Variants in SRBD1 observed in about 807,000 individuals in gnomAD.
The protein encoded by SRBD1 is S1 RNA binding domain 1, also known as S1 RNA-binding domain-containing protein 1.
SRBD1 carries 88 observed loss-of-function variants against 115.3 expected under a neutral mutation model. The ratio of observed to expected loss-of-function variants is 0.76; its 90% confidence interval spans 0.64 to 0.91. SRBD1 has a LOEUF of 0.91. SRBD1 is among the 40% of genes least tolerant of loss of function. The pLI, the probability that SRBD1 is intolerant of heterozygous loss-of-function variation, is 0.00. For missense variants in SRBD1, 1,385 were observed against 1,177.4 expected, an observed-to-expected ratio of 1.18 and a Z score of -2.58; for synonymous variants, 509 against 407.7, an observed-to-expected ratio of 1.25 and a Z score of -2.99.
intron 16 of SRBD1, among the ~76,000 whole-genome samples, chr2:45,446,821 T>C (rs1213739738): frequency 6.6e-6 from 1 of 152,026 alleles, no homozygotes; most frequent in South Asian, 2.1e-4. Flanking sequence ...CACTGGGTGG[T>C]AGAAGGCAAA....
intron 9 of SRBD1, among the ~76,000 whole-genome samples, chr2:45,564,299 T>C (rs1359662314): frequency 6.6e-6 from 1 of 152,194 alleles, no homozygotes; most frequent in African/African-American, 2.4e-5. Context: ...AGTTCTTTAA[T>C]ATGAGAAAGG....
chr2:45,451,430 CT>C (rs1668989554), intron 16 of SRBD1, among the ~76,000 whole-genome samples: 1 of 152,008 alleles, frequency 6.6e-6, no homozygotes, highest in Admixed American at 6.6e-5. Context: ...GAAAAAGTCC[CT>C]TATTGGCAAT....
At chr2:45,504,888 C>T (rs1024233039) in intron 14 of SRBD1, among the ~76,000 whole-genome samples, 1 of 152,062 alleles carries the variant, frequency 6.6e-6, no homozygotes, top group South Asian at 2.1e-4. Context: ...GCAATTTCCT[C>T]GTGAAGTCTT....
intron 14 of SRBD1, among the ~76,000 whole-genome samples, chr2:45,517,936 G>GACTGCAATGAGCCACAACTGCACC (rs1671170516): frequency 6.6e-6 from 1 of 152,068 alleles, no homozygotes; most frequent in Non-Finnish European, 1.5e-5. Context: ...GGGAGGTTGA[G>GACTGCAATGAGCCACAACTGCACC]ACTGCAATGA....
intron 14 of SRBD1, among the ~76,000 whole-genome samples, chr2:45,494,333 G>C (rs1176810734): frequency 1.3e-5 from 2 of 151,514 alleles, no homozygotes; most frequent in Non-Finnish European, 2.9e-5. Flanking sequence ...AAAAATGTAA[G>C]AACAATTATT....
At chr2:45,489,551 G>GA (rs1670229354) in intron 14 of SRBD1, among the ~76,000 whole-genome samples, 2 of 151,862 alleles carry the variant, frequency 1.3e-5, no homozygotes, top group African/African-American at 4.8e-5. Context: ...AATTTAAATA[G>GA]AAAAAAATAA....
chr2:45,416,037 G>T (rs1265409523), intron 18 of SRBD1, among the ~76,000 whole-genome samples: 2 of 151,944 alleles, frequency 1.3e-5, no homozygotes, highest in East Asian at 3.9e-4. Flanking sequence ...GGGAAAACAA[G>T]GAGAGAAACA....
intron 7 of SRBD1, among the ~76,000 whole-genome samples, chr2:45,576,058 C>T (rs765798155): frequency 3.3e-5 from 5 of 152,132 alleles, no homozygotes; most frequent in Non-Finnish European, 7.3e-5. Context: ...GCCTGCCTCT[C>T]GTCACCCCTT....
chr2:45,534,538 TGGATATTAGTTTTAATA>T (rs1671709409), intron 14 of SRBD1, among the ~76,000 whole-genome samples: 1 of 151,956 alleles, frequency 6.6e-6, no homozygotes, highest in Admixed American at 6.6e-5. Context: ...CATGATAATC[TGGATATTAGTTTTAATA>T]TCCAGAAAAC....
At chr2:45,509,215 C>T (rs1021182627) in intron 14 of SRBD1, among the ~76,000 whole-genome samples, 2 of 152,162 alleles carry the variant, frequency 1.3e-5, no homozygotes, top group African/African-American at 4.8e-5. Context: ...GCATTTTCCT[C>T]ATCTAGAATA....
chr2:45,475,177 T>C (rs541782547), intron 16 of SRBD1, among the ~76,000 whole-genome samples: 2 of 152,290 alleles, frequency 1.3e-5, no homozygotes, highest in South Asian at 2.1e-4. Context: ...ATCATCCACA[T>C]ATCAGAACCC....
At chr2:45,505,010 T>C (rs533338518) in intron 14 of SRBD1, among the ~76,000 whole-genome samples, 1 of 152,190 alleles carries the variant, frequency 6.6e-6, no homozygotes, top group East Asian at 1.9e-4. Flanking sequence ...CAAATTAGTA[T>C]CACACCAAAT....
intron 16 of SRBD1, among the ~76,000 whole-genome samples, chr2:45,435,099 G>A (rs561761957): frequency 6.6e-6 from 1 of 152,210 alleles, no homozygotes; most frequent in African/African-American, 2.4e-5. Flanking sequence ...CAAAGGACAT[G>A]AACTCATCCT....
chr2:45,521,887 G>T (rs1671295905), intron 14 of SRBD1, among the ~76,000 whole-genome samples: 1 of 151,904 alleles, frequency 6.6e-6, no homozygotes, highest in Non-Finnish European at 1.5e-5. Flanking sequence ...AGGATCGCTT[G>T]AGCCTGGGAG....
At chr2:45,477,514 C>T (rs1669838783) in intron 15 of SRBD1, among the ~76,000 whole-genome samples, 1 of 152,152 alleles carries the variant, frequency 6.6e-6, no homozygotes. Context: ...CTCGATCCCC[C>T]AAATAATGAA....
rs538012072 is a variant in SRBD1 at position 45,504,044 on chromosome 2, AAAATATTTTC to A, written c.1875-15723_1875-15714del. On this transcript the variant is annotated intron_variant, in intron 14 of 20. Transcript: ENST00000263736. ...TGAAGAACTACCAAGTTTTTACTAT[AAAATATTTTC>A]AAATATTTATGTTCCAATTCATGGA... Among the ~76,000 whole-genome samples, 34 of 152,288 alleles carry A rather than the reference AAAATATTTTC, an allele frequency of 2.2e-4. 1 individual carries two copies. In the South Asian group the frequency reaches 6.8e-3, roughly 31 times the overall value.
chr2:45,411,378 G>A (rs1430258368), intron 19 of SRBD1, among the ~76,000 whole-genome samples: 1 of 152,112 alleles, frequency 6.6e-6, no homozygotes. Flanking sequence ...TTCACACAAT[G>A]GAATATTACT....
At chr2:45,420,571 G>GT (rs1212323534) in intron 16 of SRBD1, among the ~76,000 whole-genome samples, 1 of 152,000 alleles carries the variant, frequency 6.6e-6, no homozygotes, top group Admixed American at 6.6e-5. Context: ...TTTAGAAACC[G>GT]TAAGAACCAT....
chr2:45,441,728 G>A (rs1031458638), intron 16 of SRBD1, among the ~76,000 whole-genome samples: 1 of 152,216 alleles, frequency 6.6e-6, no homozygotes, highest in African/African-American at 2.4e-5. Context: ...AATAGGAGGA[G>A]ATACTGGTGA....
Sources: gnomAD v4.1 joint callset for allele counts (sites outside exome capture counted in the v4.1 genomes callset) on GRCh38, gnomAD v4.1.1 for gene constraint, MANE v1.5 for transcripts, NCBI Gene and HGNC (gene_info 2026-07-23, HGNC 2026-07-21) for gene names.